IFT81: variants seen among roughly 807,000 people sequenced by gnomAD.
The protein encoded by IFT81 is intraflagellar transport 81.
Under a neutral mutation model 102.6 loss-of-function variants are expected in IFT81, and 72 were observed. The observed-to-expected ratio is 0.70, with a 90% CI of 0.58 to 0.85. IFT81 has a LOEUF of 0.85. Among genes scored for constraint, IFT81 ranks in the 40% least tolerant of loss-of-function variants. The probability of loss-of-function intolerance (pLI) is 0.00; values close to 1 mark genes in which losing one functional copy is unlikely to be tolerated. For missense variants in IFT81, 723 were observed against 787.3 expected (o/e 0.92, Z 0.98); for synonymous variants, 237 against 242.7 (o/e 0.98, Z 0.22).
intron 18 of IFT81, among the ~76,000 whole-genome samples, chr12:110,211,181 T>C (rs1246944854): frequency 2.8e-5 from 4 of 140,694 alleles, no homozygotes; most frequent in African/African-American, 5.9e-5. Flanking sequence ...CTTTCTTTTT[T>C]TTTTTTTTTT....
Position 110,139,818 on chromosome 12 carries a change from TAAATAAAATA to T in IFT81, c.781+2981_781+2990del, listed in dbSNP as rs749031924. Among the ~76,000 whole-genome samples, 41 of 105,518 alleles carry T rather than the reference TAAATAAAATA, an allele frequency of 3.9e-4. No homozygotes were observed. The East Asian group carries it at 4.3e-3, about 11-fold the overall frequency. 69.2% of individuals were successfully genotyped at this position (105,518 alleles called of 152,430 possible). On this transcript the variant is annotated intron_variant, in intron 8 of 18. Coordinates refer to ENST00000242591, the MANE Select transcript of IFT81 (RefSeq NM_014055.4). ...ATACATACAATAAAATAAAATAAAA[TAAATAAAATA>T]AAATAAAATAAAATAAAATAAATAA...
Position 110,189,272 on chromosome 12 carries a change from G to T in IFT81, c.1339-1648G>T, listed in dbSNP as rs180755267. ...GGTTGTAAAGGCCCCCTCTTATATT[G>T]TGACAACTCACCAATTTATATCTCC... is the stretch of plus-strand genomic sequence containing the variant. On this transcript the variant is annotated intron_variant, in intron 12 of 18. Transcript: ENST00000242591. Among the ~76,000 whole-genome samples the T allele has an allele frequency of 6.9e-3, 1,043 of 151,930 alleles. 1 individual carries two copies. The highest frequency in any genetic ancestry group is 9.5e-3 in the Non-Finnish European group (643 of 67,940).
At chr12:110,189,121 C>T (rs1445158356) in intron 12 of IFT81, among the ~76,000 whole-genome samples, 1 of 152,006 alleles carries the variant, frequency 6.6e-6, no homozygotes, top group Non-Finnish European at 1.5e-5. Context: ...CTAACTAACA[C>T]TCCTATTCCT....
chr12:110,135,166 G>C (rs1376588140), intron 6 of IFT81, among the ~76,000 whole-genome samples, 153 bp downstream of exon 6: 2 of 152,172 alleles, frequency 1.3e-5, no homozygotes, highest in Non-Finnish European at 2.9e-5. Context: ...CTAGACAGTA[G>C]CCCAGCACTT....
intron 11 of IFT81, chr12:110,172,134 T>TA: frequency 6.6e-6 from 1 of 152,288 alleles, no homozygotes; most frequent in Middle Eastern, 3.4e-3. Context: ...TTTTTTATTT[T>TA]AAAAAATGGT....
At chr12:110,159,624 G>A (rs529956801) in intron 10 of IFT81, among the ~76,000 whole-genome samples, 11 of 152,292 alleles carry the variant, frequency 7.2e-5, no homozygotes, top group East Asian at 1.9e-4. Flanking sequence ...AAAAGGATCC[G>A]GACCTATAAT....
intron 9 of IFT81, among the ~76,000 whole-genome samples, chr12:110,145,416 A>G (rs1346994540): frequency 6.6e-6 from 1 of 151,070 alleles, no homozygotes; most frequent in East Asian, 1.9e-4. Context: ...AATTAAATAC[A>G]TAATTCTGAC....
intron 11 of IFT81, among the ~76,000 whole-genome samples, chr12:110,169,376 G>A (rs1250249241): frequency 2.0e-5 from 3 of 152,098 alleles, no homozygotes; most frequent in Non-Finnish European, 4.4e-5. Flanking sequence ...TCATAGCTAA[G>A]AGTATGACTG....
chr12:110,166,285 G>A (rs977041660), intron 11 of IFT81, among the ~76,000 whole-genome samples: 1 of 152,106 alleles, frequency 6.6e-6, no homozygotes, highest in Non-Finnish European at 1.5e-5. Flanking sequence ...TCCCAGACTG[G>A]GAGCAATTTA....
intron 8 of IFT81, among the ~76,000 whole-genome samples, chr12:110,137,161 G>A (rs1359136069): frequency 1.3e-5 from 2 of 152,210 alleles, no homozygotes; most frequent in East Asian, 1.9e-4. Context: ...CCAACATGGC[G>A]AAACCCCATC....
chr12:110,180,688 CTG>C, intron 12 of IFT81, 117 bp downstream of exon 12: 1 of 656,532 alleles, frequency 1.5e-6, no homozygotes, highest in Non-Finnish European at 2.4e-6. Context: ...TTACTTTTCT[CTG>C]ATTAATTACA....
chr12:110,198,361 A>T (rs1373497343), intron 14 of IFT81, among the ~76,000 whole-genome samples: 1 of 150,860 alleles, frequency 6.6e-6, no homozygotes, highest in Non-Finnish European at 1.5e-5. Context: ...CTATCAGTTT[A>T]TCATTTATTT....
At chr12:110,144,201 T>G (rs1458533978) in intron 9 of IFT81, among the ~76,000 whole-genome samples, 3 of 149,492 alleles carry the variant, frequency 2.0e-5, no homozygotes, top group Admixed American at 6.7e-5. Context: ...TGTTGTTGTT[T>G]TTGTTGTTGT....
At position 110,209,221 on chromosome 12, in the gene IFT81, G is replaced by A; in HGVS notation, c.1848+5G>A. The A allele has an allele frequency of 2.0e-6, 3 of 1,477,764 alleles. No individual in the cohort carries two copies. The highest frequency in any genetic ancestry group is 1.2e-5 in the South Asian group (1 of 85,870). The allele number at this position is 1,477,764 out of a possible 1,614,324, so 91.5% of individuals were successfully genotyped here. A position where few individuals can be genotyped will look rare whatever the true frequency, so the allele number is the denominator to read the frequency against. On this transcript the variant is annotated splice_donor_5th_base_variant and intron_variant, in intron 18 of 18. Coordinates refer to ENST00000242591, the MANE Select transcript of IFT81 (RefSeq NM_014055.4). ...GAACAAGAAAACCTTGGAAAGGTAA[G>A]AATTATTATTTATTTTTTTAAATGT...
intron 18 of IFT81, among the ~76,000 whole-genome samples, chr12:110,210,613 C>T (rs1287689395): frequency 6.6e-6 from 1 of 151,304 alleles, no homozygotes. Flanking sequence ...GTGGCATGCA[C>T]CTGTAGTTGC....
chr12:110,147,010 G>T lies in IFT81; in HGVS notation c.1003G>T (p.Glu335Ter). Residue 335 changes from glutamate (E) to a stop codon, truncating the protein, a stop_gained, in exon 10 of 19, where the codon GAG becomes TAG. Coordinates refer to ENST00000242591, the MANE Select transcript of IFT81 (RefSeq NM_014055.4). LOFTEE classifies it high-confidence loss of function. The part of the protein sequence containing the change: ...QLIEKKMMRN[E>*]PIEGKLSLYR... ...GATTGAAAAGAAAATGATGAGAAATGAGCCCATTGAAGGCAAACTCTCACT... is the reference window on the plus strand; with the variant it reads ...GATTGAAAAGAAAATGATGAGAAATTAGCCCATTGAAGGCAAACTCTCACT... The T allele has an allele frequency of 6.2e-7, 1 of 1,610,958 alleles. No homozygotes were observed. Among genetic ancestry groups the T allele is most frequent in the Non-Finnish European group, 8.5e-7 (1 of 1,178,486 alleles).
rs1269815184 is a variant in IFT81, at chr12:110,179,765, TATATATATACAC to T, written c.1189-655_1189-644del. On this transcript the variant is annotated intron_variant, in intron 11 of 18. Transcript: ENST00000242591. ...ATATATATATATATATATATATATA[TATATATATACAC>T]ACACACACACACACACACACACACA... Among the ~76,000 whole-genome samples the T allele has an allele frequency of 1.8e-3, 124 of 69,208 alleles. 2 individuals are homozygous for T. Among genetic ancestry groups the T allele is most frequent in the African/African-American group, 6.8e-3 (116 of 17,076 alleles). The allele number at this position is 69,208 out of a possible 152,430, so 45.4% of individuals were successfully genotyped here.
rs375835711 is a variant in IFT81 at position 110,135,022 on chromosome 12, G to C, written c.585+9G>C. On this transcript the variant is annotated intron_variant, in intron 6 of 18. Coordinates refer to ENST00000242591, the MANE Select transcript of IFT81 (RefSeq NM_014055.4). ...AACATTTGAAGAAAAGGGTAAGGCA[G>C]AATTAGTACTGTAAGACTTTGGCCC... 4.7e-5 allele frequency: 75 copies of C among 1,592,260 alleles called. No individual in the cohort carries two copies. Among genetic ancestry groups the C allele is most frequent in the Non-Finnish European group, 6.2e-5 (72 of 1,169,632 alleles).
intron 1 of IFT81, among the ~76,000 whole-genome samples, chr12:110,126,194 C>CTTGAACCTGG (rs1893829608): frequency 2.0e-5 from 3 of 150,588 alleles, no homozygotes; most frequent in Non-Finnish European, 4.4e-5. Context: ...AGGAGAATGG[C>CTTGAACCTGG]TTGAACCTGG....
Sources: allele counts gnomAD v4.1 joint callset (sites outside exome capture counted in the v4.1 genomes callset), GRCh38; gene constraint gnomAD v4.1.1; transcripts MANE v1.5; gene names NCBI Gene and HGNC (gene_info 2026-07-23, HGNC 2026-07-21).